TNFRSF10B: variants seen among roughly 807,000 people sequenced by gnomAD.
TNFRSF10B encodes tumor necrosis factor receptor superfamily member 10B.
A neutral mutation model predicts 41.4 loss-of-function variants in TNFRSF10B; 35 were observed. That is an observed-to-expected ratio of 0.85 (90% CI 0.65 to 1.12). TNFRSF10B has a LOEUF of 1.12. Ranked by LOEUF, TNFRSF10B falls within the 50% of genes most tolerant of loss-of-function variation. The pLI is 0.00. For synonymous variants in TNFRSF10B, 230 were observed against 215.5 expected, an observed-to-expected ratio of 1.07 and a Z score of -0.59; for missense variants, 584 against 552.7, an observed-to-expected ratio of 1.06 and a Z score of -0.57.
intron 2 of TNFRSF10B, among the ~76,000 whole-genome samples, chr8:23,039,527 T>C (rs1355160501): frequency 3.9e-5 from 6 of 152,098 alleles, no homozygotes; most frequent in South Asian, 2.1e-4. Context: ...AAGGGGGTAA[T>C]CTGCTTGACT....
rs780671764 is a variant in TNFRSF10B, at chr8:23,022,042, T to C, written c.*629A>G. Reference sequence around the variant, plus strand: ...GGGAGTCTGAGGTGGGCAGACTGCTTGAGTCCAGGAATTCGAGACCACCCT... The same window carrying C: ...GGGAGTCTGAGGTGGGCAGACTGCTCGAGTCCAGGAATTCGAGACCACCCT... On this transcript the variant is annotated 3_prime_UTR_variant, in exon 9 of 9. Transcript: ENST00000276431. The C allele has an allele frequency of 2.2e-6, 1 of 448,114 alleles. No homozygotes were observed. The highest frequency in any genetic ancestry group is 1.6e-5 in the South Asian group (1 of 63,792). 27.8% of individuals were successfully genotyped at this position (448,114 alleles called of 1,614,324 possible).
chr8:23,055,821 C>CA (rs1325969105), intron 1 of TNFRSF10B, among the ~76,000 whole-genome samples: 1 of 152,192 alleles, frequency 6.6e-6, no homozygotes, highest in African/African-American at 2.4e-5. Flanking sequence ...TGAGGCTCCA[C>CA]AGGAAGGTCT....
chr8:23,051,270 T>C (rs1812513529), intron 1 of TNFRSF10B, among the ~76,000 whole-genome samples: 1 of 152,208 alleles, frequency 6.6e-6, no homozygotes, highest in African/African-American at 2.4e-5. Context: ...TGACTTAAAA[T>C]CTTTAATAAG....
At chr8:23,032,512 CT>C (rs1473161657) in intron 2 of TNFRSF10B, among the ~76,000 whole-genome samples, 2 of 151,208 alleles carry the variant, frequency 1.3e-5, no homozygotes, top group Non-Finnish European at 2.9e-5. Context: ...GTCAATAAGT[CT>C]TTTTAATTCC....
At chr8:23,052,376 C>T (rs1201838396) in intron 1 of TNFRSF10B, among the ~76,000 whole-genome samples, 2 of 150,578 alleles carry the variant, frequency 1.3e-5, no homozygotes, top group Non-Finnish European at 2.9e-5. Context: ...AGCTCCACCT[C>T]CCAGGTTCAC....
At chr8:23,028,874 G>A (rs1811795333) in intron 4 of TNFRSF10B, among the ~76,000 whole-genome samples, 1 of 152,216 alleles carries the variant, frequency 6.6e-6, no homozygotes, top group Admixed American at 6.5e-5. Flanking sequence ...AGCTTCCCTG[G>A]GCTGCAGGGG....
intron 7 of TNFRSF10B, among the ~76,000 whole-genome samples, chr8:23,025,178 A>C (rs1811666243): frequency 6.6e-6 from 1 of 152,156 alleles, no homozygotes; most frequent in African/African-American, 2.4e-5. Flanking sequence ...AAGTAGCAGC[A>C]GACATAATAA....
At chr8:23,047,299 G>A (rs1042374389) in intron 1 of TNFRSF10B, among the ~76,000 whole-genome samples, 6 of 149,924 alleles carry the variant, frequency 4.0e-5, no homozygotes, top group South Asian at 2.1e-4. Context: ...GGAGGTTGCC[G>A]TGAGTCAAGA....
At chr8:23,031,308 C>T (rs1471320627) in intron 2 of TNFRSF10B, among the ~76,000 whole-genome samples, 1 of 152,138 alleles carries the variant, frequency 6.6e-6, no homozygotes, top group Admixed American at 6.5e-5. Context: ...GATCTCCTGA[C>T]CTCATGATCT....
At chr8:23,059,420 A>G (rs1354217337) in intron 1 of TNFRSF10B, among the ~76,000 whole-genome samples, 1 of 152,244 alleles carries the variant, frequency 6.6e-6, no homozygotes, top group Admixed American at 6.5e-5. Flanking sequence ...ACTGTTTTCC[A>G]TAGTGGCTGC....
intron 1 of TNFRSF10B, among the ~76,000 whole-genome samples, chr8:23,051,394 A>AAT (rs1157878938): frequency 6.6e-6 from 1 of 152,202 alleles, no homozygotes; most frequent in Non-Finnish European, 1.5e-5. Context: ...ATCTCTGCCA[A>AAT]ATATTATAAG....
At chr8:23,066,351 T>C (rs1302500805) in intron 1 of TNFRSF10B, among the ~76,000 whole-genome samples, 1 of 152,114 alleles carries the variant, frequency 6.6e-6, no homozygotes, top group African/African-American at 2.4e-5. Context: ...AGAGAACTTC[T>C]AAAGTTCAAA....
intron 2 of TNFRSF10B, among the ~76,000 whole-genome samples, chr8:23,042,430 C>T (rs746040904): frequency 1.3e-5 from 2 of 152,150 alleles, no homozygotes; most frequent in Non-Finnish European, 2.9e-5. Context: ...GGAAGAAGTG[C>T]GAGGCGAACA....
At chr8:23,034,787 C>T (rs570340657) in intron 2 of TNFRSF10B, among the ~76,000 whole-genome samples, 74 of 152,370 alleles carry the variant, frequency 4.9e-4, no homozygotes, top group African/African-American at 1.7e-3. Flanking sequence ...ATCATTACCA[C>T]CATCCAGGAT....
chr8:23,021,542 C>A lies in TNFRSF10B; in HGVS notation c.*1129G>T, dbSNP rs1431727288. The stretch of plus-strand genomic sequence containing the variant: ...AGTTCACTTGGGATATGACATAGAC[C>A]CTATTGTTATGTGTGATCTAACCCA... On this transcript the variant is annotated 3_prime_UTR_variant, in exon 9 of 9. Transcript: ENST00000276431. 1 of 454,062 alleles carries A rather than the reference C, an allele frequency of 2.2e-6. No homozygotes were observed. Among genetic ancestry groups the A allele is most frequent in the Non-Finnish European group, 4.4e-6 (1 of 226,782 alleles). 28.1% of individuals were successfully genotyped at this position (454,062 alleles called of 1,614,324 possible). A position where few individuals can be genotyped will look rare whatever the true frequency, so the allele number is the denominator to read the frequency against.
intron 1 of TNFRSF10B, among the ~76,000 whole-genome samples, chr8:23,068,006 A>AC (rs1319703723): frequency 6.6e-6 from 1 of 152,232 alleles, no homozygotes; most frequent in Non-Finnish European, 1.5e-5. Flanking sequence ...TATCACGGAT[A>AC]CTTGCCAAGA....
At chr8:23,063,575 C>A (rs1189913812) in intron 1 of TNFRSF10B, among the ~76,000 whole-genome samples, 1 of 152,144 alleles carries the variant, frequency 6.6e-6, no homozygotes, top group Admixed American at 6.5e-5. Context: ...CCACCACAAA[C>A]CTCTTTCCTC....
Position 23,021,977 on chromosome 8 carries a change from GGCCAA to G in TNFRSF10B, c.*689_*693del, listed in dbSNP as rs1416061572. 1 of 452,136 alleles carries G rather than the reference GGCCAA, an allele frequency of 2.2e-6. No homozygotes were observed. The highest frequency in any genetic ancestry group is 2.0e-5 in the African/African-American group (1 of 49,916). 28.0% of individuals were successfully genotyped at this position (452,136 alleles called of 1,614,324 possible). On this transcript the variant is annotated 3_prime_UTR_variant, in exon 9 of 9. Transcript: ENST00000276431. ...CAGAATTATAAAAGTAGAAAGGTAA[GGCCAA>G]GCATGGGGGCTCACGCCTCTAATTC...
At chr8:23,023,072 G>A in intron 8 of TNFRSF10B, 88 bp from the exon 9 acceptor site, 1 of 1,517,510 alleles carries the variant, frequency 6.6e-7, no homozygotes, top group Non-Finnish European at 8.9e-7. Flanking sequence ...CCCAAGGCGG[G>A]GAACCTGGAG....
Sources: allele counts gnomAD v4.1 joint callset (sites outside exome capture counted in the v4.1 genomes callset), GRCh38; gene constraint gnomAD v4.1.1; transcripts MANE v1.5; gene names NCBI Gene and HGNC (gene_info 2026-07-23, HGNC 2026-07-21).